The following MBNL2 variants were observed in gnomAD, a reference collection of about 807,000 sequenced individuals.
MBNL2 encodes the protein muscleblind-like protein 2.
Under a neutral mutation model 41.9 loss-of-function variants are expected in MBNL2, and 17 were observed. The ratio of observed to expected loss-of-function variants is 0.41; its 90% CI spans 0.28 to 0.61. MBNL2 has a LOEUF of 0.61. Among genes scored for constraint, MBNL2 ranks in the 20% least tolerant of loss-of-function variants. The pLI, the probability that MBNL2 is intolerant of heterozygous loss-of-function variation, is 0.35. For missense variants in MBNL2, 336 were observed against 505.6 expected, an observed-to-expected ratio of 0.66 and a Z score of 3.22; for synonymous variants, 195 against 182.9, an observed-to-expected ratio of 1.07 and a Z score of -0.53.
intron 2 of MBNL2, among the ~76,000 whole-genome samples, chr13:97,291,632 C>T (rs1360307724): frequency 5.3e-5 from 8 of 152,110 alleles, no homozygotes; most frequent in Non-Finnish European, 1.0e-4. Flanking sequence ...CGGTGGCTCA[C>T]GCCTATAATC....
rs1392891519 is a variant in MBNL2 at position 97,366,424 on chromosome 13, C to T, written c.1048+1253C>T. On this transcript the variant is annotated intron_variant, in intron 8 of 8. Coordinates refer to ENST00000679496, the MANE Select transcript of MBNL2 (RefSeq NM_001382683.1). The surrounding 1 kb of genome is among the most constrained non-coding windows in gnomAD (Gnocchi z 4.7). The stretch of plus-strand genomic sequence containing the variant: ...TTCTATTACCATAATGCTACACCCT[C>T]CTGTTCATTGCTCCCATGGTTCCCC... 6 of 973,072 alleles carry T rather than the reference C, an allele frequency of 6.2e-6. No homozygotes were observed. In the Admixed American group the frequency reaches 8.8e-5, roughly 14 times the overall value. 60.3% of individuals were successfully genotyped at this position (973,072 alleles called of 1,614,324 possible).
At chr13:97,176,424 T>C in the MBNL2 span, among the ~76,000 whole-genome samples, 1 of 152,048 alleles carries the variant, frequency 6.6e-6, no homozygotes, top group Non-Finnish European at 1.5e-5. Context: ...ATATGCTTGG[T>C]CCACAGTAAA....
chr13:97,352,701 G>A (rs949059285), intron 5 of MBNL2, among the ~76,000 whole-genome samples: 8 of 152,176 alleles, frequency 5.3e-5, no homozygotes, highest in South Asian at 2.1e-4. Context: ...ACTCAACATA[G>A]GGTTGCCACA....
intron 2 of MBNL2, among the ~76,000 whole-genome samples, chr13:97,287,721 C>CTTTTTTTTTTTTTTTTTTTTTTTTTT (rs768809008): frequency 1.7e-5 from 2 of 114,904 alleles, no homozygotes; most frequent in Non-Finnish European, 3.3e-5. Flanking sequence ...CTTTTCTTTT[C>CTTTTTTTTTTTTTTTTTTTTTTTTTT]TTTTTTTTTT....
chr13:97,334,331 C>T lies in MBNL2; in HGVS notation c.230C>T (p.Thr77Ile), dbSNP rs746896176. The T allele has an allele frequency of 9.9e-6, 16 of 1,613,574 alleles. 1 individual carries two copies. The South Asian group carries it at 1.8e-4, about 18-fold the overall frequency. Residue 77 changes from threonine (T) to isoleucine (I), a missense_variant, in exon 3 of 9, where the codon ACT becomes ATT. Transcript: ENST00000679496. The surrounding 1 kb of genome is among the most constrained non-coding windows in gnomAD (Gnocchi z 5.3). Reference protein sequence around the residue: ...KYLHPPTHLKTQLEINGRNNL... With the variant: ...KYLHPPTHLKIQLEINGRNNL... ...CTTCACCCTCCGACACACTTAAAAA[C>T]TCAACTAGAAATTAATGGAAGGAAC...
At chr13:97,329,637 A>T (rs1274523403) in intron 2 of MBNL2, among the ~76,000 whole-genome samples, 9 of 116 alleles carry the variant, frequency 0.078, no homozygotes, top group Non-Finnish European at 0.11. Flanking sequence ...TAGACACACA[A>T]CACACACACA....
chr13:97,352,362 T>C (rs1254913685), intron 5 of MBNL2, among the ~76,000 whole-genome samples: 1 of 152,216 alleles, frequency 6.6e-6, no homozygotes, highest in Non-Finnish European at 1.5e-5. Context: ...TGACTCTTTC[T>C]TTCACTTGAA....
the MBNL2 span, among the ~76,000 whole-genome samples, chr13:97,167,754 C>G: frequency 6.6e-6 from 1 of 152,126 alleles, no homozygotes; most frequent in Non-Finnish European, 1.5e-5. Context: ...TCTTTTGTGC[C>G]TCATCAAGTT....
intron 8 of MBNL2, among the ~76,000 whole-genome samples, chr13:97,375,642 T>C (rs546929107): frequency 3.3e-5 from 5 of 152,346 alleles, no homozygotes; most frequent in Admixed American, 2.6e-4. Context: ...GTTTTACATG[T>C]GAAGACGTCA....
chr13:97,370,917 G>A (rs751090837), intron 8 of MBNL2, among the ~76,000 whole-genome samples: 2 of 152,120 alleles, frequency 1.3e-5, no homozygotes, highest in Non-Finnish European at 2.9e-5. Flanking sequence ...GAAATGATAG[G>A]TAGCATGTAA....
At chr13:97,383,611 C>G (rs766342949) in intron 8 of MBNL2, among the ~76,000 whole-genome samples, 10 of 152,052 alleles carry the variant, frequency 6.6e-5, no homozygotes, top group Non-Finnish European at 1.5e-4. Flanking sequence ...CAGCAGAGGA[C>G]AAAACAATAA....
At chr13:97,226,005 T>C (rs1383885744) in intron 1 of MBNL2, among the ~76,000 whole-genome samples, 2 of 152,118 alleles carry the variant, frequency 1.3e-5, no homozygotes, top group Non-Finnish European at 2.9e-5. Flanking sequence ...TTTTCTCCAG[T>C]TTTATACTCT....
At chr13:97,210,738 A>C in the MBNL2 span, among the ~76,000 whole-genome samples, 1 of 151,888 alleles carries the variant, frequency 6.6e-6, no homozygotes, top group Admixed American at 6.6e-5. Flanking sequence ...GGTTACAGGC[A>C]TAAGTTTCAC....
the MBNL2 span, among the ~76,000 whole-genome samples, chr13:97,145,585 T>C: frequency 2.0e-5 from 3 of 152,256 alleles, no homozygotes; most frequent in Admixed American, 2.0e-4. Context: ...CTTTATTTCA[T>C]AACTAGTTGG....
At position 97,302,167 on chromosome 13, in the gene MBNL2, G is replaced by A. The variant is rs576058529; in HGVS notation, c.174+25758G>A. ...AGCTGAAACAAAACTATCTTCCTAA[G>A]CTAGTTCCCCTTCTTTTACTCTCTG... On this transcript the variant is annotated intron_variant, in intron 2 of 8. Coordinates refer to ENST00000679496, the MANE Select transcript of MBNL2 (RefSeq NM_001382683.1). 6.1e-4 allele frequency among the ~76,000 whole-genome samples: 93 copies of A among 152,204 alleles called. 1 individual carries two copies. Among genetic ancestry groups the A allele is most frequent in the African/African-American group, 2.2e-3 (93 of 41,520 alleles).
chr13:97,357,764 C>G (rs983467068), intron 7 of MBNL2, 129 bp downstream of exon 7: 1 of 905,706 alleles, frequency 1.1e-6, no homozygotes, highest in South Asian at 1.3e-5. Flanking sequence ...CATCGTTGTC[C>G]TAGCTATCTA....
intron 5 of MBNL2, among the ~76,000 whole-genome samples, chr13:97,351,154 A>T (rs951042566): frequency 2.0e-5 from 3 of 152,224 alleles, no homozygotes; most frequent in Non-Finnish European, 4.4e-5. Flanking sequence ...GATCAGGTGC[A>T]TTGTCAATGA....
chr13:97,353,323 C>A (rs901357243), intron 5 of MBNL2, among the ~76,000 whole-genome samples: 5 of 152,174 alleles, frequency 3.3e-5, no homozygotes, highest in African/African-American at 1.2e-4. Context: ...CATTTGAAAC[C>A]AGCCTAGGTG....
the MBNL2 span, among the ~76,000 whole-genome samples, chr13:97,159,342 CT>C: frequency 6.6e-6 from 1 of 152,054 alleles, no homozygotes; most frequent in South Asian, 2.1e-4. Context: ...GGTCTTGACT[CT>C]TTATCCAGTT....
Sources: gnomAD v4.1 joint callset for allele counts (sites outside exome capture counted in the v4.1 genomes callset) on GRCh38, gnomAD v4.1.1 for gene constraint, Gnocchi (gnomAD v3.1) non-coding constraint, MANE v1.5 for transcripts, NCBI Gene and HGNC (gene_info 2026-07-23, HGNC 2026-07-21) for gene names.